Variants in ABCG8 observed in about 807,000 individuals in gnomAD.
The protein encoded by ABCG8 is ATP binding cassette subfamily G member 8, also known as ATP-binding cassette sub-family G member 8.
Under a neutral mutation model 71.3 loss-of-function variants are expected in ABCG8, and 81 were observed. That is an observed-to-expected ratio of 1.14 (90% CI 0.95 to 1.37). The LOEUF (loss-of-function observed/expected upper bound fraction) is 1.37. Among genes scored for constraint, ABCG8 ranks in the 40% most tolerant of loss-of-function variants. The pLI is 0.00. For synonymous variants in ABCG8, 451 were observed against 354.7 expected (o/e 1.27, Z -3.05); for missense variants, 1,119 against 866.2 (o/e 1.29, Z -3.66).
intron 1 of ABCG8, among the ~76,000 whole-genome samples, chr2:43,844,130 G>C (rs765861111): frequency 6.6e-6 from 1 of 152,200 alleles, no homozygotes; most frequent in Non-Finnish European, 1.5e-5. Flanking sequence ...TAAAGGCAAA[G>C]AGTTTGCCCA....
At chr2:43,871,649 G>C (rs1388671541) in intron 6 of ABCG8, among the ~76,000 whole-genome samples, 1 of 152,222 alleles carries the variant, frequency 6.6e-6, no homozygotes, top group Non-Finnish European at 1.5e-5. Context: ...GGCTCTGAAG[G>C]CTCTTGCTCT....
chr2:43,839,411 T>C (rs1668486241), intron 1 of ABCG8, among the ~76,000 whole-genome samples: 2 of 18,386 alleles, frequency 1.1e-4, no homozygotes, highest in Non-Finnish European at 2.0e-4. Flanking sequence ...CTCTTTTTTT[T>C]TTTTTTTTTT....
At chr2:43,846,480 C>A in intron 3 of ABCG8, 169 bp downstream of exon 3, 1 of 987,552 alleles carries the variant, frequency 1.0e-6, no homozygotes, top group Non-Finnish European at 1.5e-6. Context: ...CAAATCCTGG[C>A]TCCTCCATTT....
intron 3 of ABCG8, chr2:43,846,720 A>T: frequency 3.5e-6 from 1 of 285,122 alleles, no homozygotes. Context: ...CCACACTCTC[A>T]CCTCTCAGAC....
At chr2:43,860,473 A>T (rs114309202) in intron 6 of ABCG8, among the ~76,000 whole-genome samples, 12 of 150,070 alleles carry the variant, frequency 8.0e-5, no homozygotes, top group East Asian at 1.9e-4. Context: ...AACTCTCACT[A>T]TCTTTCTGGA....
In ABCG8 at chr2:43,839,089, G is replaced by C. The variant is rs368998235; in HGVS notation, c.36G>C (p.Pro12=). 1 of 1,551,288 alleles carries C rather than the reference G, an allele frequency of 6.4e-7. No homozygotes were observed. Residue 12 remains proline (P), a synonymous_variant, in exon 1 of 13, where the codon CCG becomes CCC. Transcript: ENST00000272286. ...AGKAAEERGL[P]KGATPQDTSG... is the part of the protein sequence containing the mutation. Reference sequence around the variant, plus strand: ...AGGCGGCAGAGGAGAGAGGGCTGCCGAAAGGGGCCACTCCCCAGGATACCT... The same window carrying C: ...AGGCGGCAGAGGAGAGAGGGCTGCCCAAAGGGGCCACTCCCCAGGATACCT...
chr2:43,852,227 G>T, intron 4 of ABCG8, 127 bp from the exon 5 acceptor site: 1 of 1,325,688 alleles, frequency 7.5e-7, no homozygotes, highest in South Asian at 1.2e-5. Flanking sequence ...GAACTCAAGT[G>T]CTGGAGCTGT....
intron 6 of ABCG8, among the ~76,000 whole-genome samples, chr2:43,864,748 C>T (rs1669460174): frequency 6.6e-6 from 1 of 151,724 alleles, no homozygotes; most frequent in Non-Finnish European, 1.5e-5. Flanking sequence ...GGATAGAATT[C>T]TCACCGTCTG....
intron 6 of ABCG8, among the ~76,000 whole-genome samples, chr2:43,854,227 T>G (rs902580951): frequency 6.6e-6 from 1 of 152,188 alleles, no homozygotes; most frequent in Non-Finnish European, 1.5e-5. Flanking sequence ...GGGCCTGGGT[T>G]ACCCAAAAAT....
Position 43,847,750 on chromosome 2 carries a change from G to GT in ABCG8, c.322+1447dup, listed in dbSNP as rs200929133. ...ATTACACTGAATAGTCTCCTGTTTT[G>GT]TTTTTTTTGTTGTTGTTGTTTTGTT... On this transcript the variant is annotated intron_variant, in intron 3 of 12. Transcript: ENST00000272286. The GT allele has an allele frequency of 4.5e-3, 684 of 151,260 alleles. 6 individuals are homozygous for GT. The highest frequency in any genetic ancestry group is 0.014 in the African/African-American group (578 of 41,282). The allele number at this position is 151,260 out of a possible 1,614,324, so 9.4% of individuals were successfully genotyped here. A position where few individuals can be genotyped will look rare whatever the true frequency, so the allele number is the denominator to read the frequency against.
chr2:43,879,963 C>G lies in ABCG8; in HGVS notation c.*2050C>G, dbSNP rs574455034. ...TGAAACTATGTAAATTGTAAACTTT[C>G]CATTTATGCATTTTAAAATTTTGAT... On this transcript the variant is annotated 3_prime_UTR_variant, in exon 13 of 13. Coordinates refer to ENST00000272286, the MANE Select transcript of ABCG8 (RefSeq NM_022437.3). The G allele has an allele frequency of 2.0e-5, 3 of 152,084 alleles. No homozygotes were observed. The highest frequency in any genetic ancestry group is 1.3e-4 in the Admixed American group (2 of 15,288). The allele number at this position is 152,084 out of a possible 1,614,324, so 9.4% of individuals were successfully genotyped here.
At chr2:43,870,780 A>G (rs1473357178) in intron 6 of ABCG8, among the ~76,000 whole-genome samples, 1 of 148,356 alleles carries the variant, frequency 6.7e-6, no homozygotes, top group Non-Finnish European at 1.5e-5. Flanking sequence ...TAGAATTTTC[A>G]CCATCTGGAT....
intron 1 of ABCG8, 41 bp from the exon 2 acceptor site, chr2:43,844,466 C>T: frequency 6.6e-7 from 1 of 1,512,052 alleles, no homozygotes; most frequent in Non-Finnish European, 9.2e-7. Context: ...ATGTTCTCAG[C>T]AGCTTCTAAA....
chr2:43,855,877 T>C (rs988700858), intron 6 of ABCG8, among the ~76,000 whole-genome samples: 2 of 152,090 alleles, frequency 1.3e-5, no homozygotes, highest in Non-Finnish European at 2.9e-5. Context: ...TGTATAGAAC[T>C]CTCACTATCT....
At chr2:43,846,529 G>T in intron 3 of ABCG8, 1 of 626,032 alleles carries the variant, frequency 1.6e-6, no homozygotes, top group Admixed American at 2.5e-5. Flanking sequence ...AGAGTCATGA[G>T]TGCGCCTCTT....
rs1668455676 is a variant in ABCG8, at chr2:43,838,986, A to G, written c.-68A>G. ...CTGCTCCAGGAAACAGAGTGAAGACACTGGCCCTGGCAGGCAGCAGCTGGG... is the reference window on the plus strand; with the variant it reads ...CTGCTCCAGGAAACAGAGTGAAGACGCTGGCCCTGGCAGGCAGCAGCTGGG... On this transcript the variant is annotated 5_prime_UTR_variant, in exon 1 of 13. Transcript: ENST00000272286. This position sits in a 1 kb window ranked among gnomAD's most constrained non-coding sequence, Gnocchi z 4.2. 4.0e-6 allele frequency: 6 copies of G among 1,488,434 alleles called. No homozygotes were observed. The highest frequency in any genetic ancestry group is 5.5e-6 in the Non-Finnish European group (6 of 1,091,894). The allele number at this position is 1,488,434 out of a possible 1,614,324, so 92.2% of individuals were successfully genotyped here.
chr2:43,855,443 C>T (rs181913648), intron 6 of ABCG8, among the ~76,000 whole-genome samples: 4 of 149,772 alleles, frequency 2.7e-5, no homozygotes, highest in Admixed American at 6.7e-5. Flanking sequence ...GAATTCTCTC[C>T]CTCTGCATAG....
chr2:43,860,593 C>T (rs975485471), intron 6 of ABCG8, among the ~76,000 whole-genome samples: 4 of 151,142 alleles, frequency 2.6e-5, no homozygotes, highest in African/African-American at 9.7e-5. Context: ...CTGCAGAGAA[C>T]TCTCACTGTC....
Position 43,852,715 on chromosome 2 carries a change from C to G in ABCG8, c.811C>G (p.Gln271Glu). The change falls in exon 6 of 13, where the codon CAG becomes GAG. Residue 271 changes from glutamine to glutamate, a missense_variant. Physicochemically the swap from Gln to Glu is conservative, Grantham distance 29. Transcript: ENST00000272286. ...CCGGCTGGTGCTCATCTCCCTCCAC[C>G]AGCCTCGCTCTGACATCTTCAGGCT... ...GNRLVLISLH[Q>E]PRSDIFRLFD... 6.2e-7 allele frequency: 1 copy of G among 1,614,222 alleles called. No individual in the cohort carries two copies. Among genetic ancestry groups the G allele is most frequent in the Non-Finnish European group, 8.5e-7 (1 of 1,180,028 alleles).
Sources: gnomAD v4.1 joint callset for allele counts (sites outside exome capture counted in the v4.1 genomes callset) on GRCh38, gnomAD v4.1.1 for gene constraint, Gnocchi (gnomAD v3.1) non-coding constraint, MANE v1.5 for transcripts, NCBI Gene and HGNC (gene_info 2026-07-23, HGNC 2026-07-21) for gene names.